PLCB1: variants seen among roughly 807,000 people sequenced by gnomAD.
The protein encoded by PLCB1 is phospholipase C beta 1.
PLCB1 carries 46 observed loss-of-function variants against 161.8 expected under a neutral mutation model. That is an observed-to-expected ratio of 0.28 (90% CI 0.22 to 0.36). PLCB1 has a LOEUF of 0.36. Among genes scored for constraint, PLCB1 ranks in the 10% least tolerant of loss-of-function variants. The pLI is 1.00. For missense variants in PLCB1, 1,016 were observed against 1,472.5 expected, an observed-to-expected ratio of 0.69 and a Z score of 5.07; for synonymous variants, 517 against 503.7, an observed-to-expected ratio of 1.03 and a Z score of -0.35.
chr20:8,215,413 G>A (rs763974773), intron 2 of PLCB1, among the ~76,000 whole-genome samples: 14 of 151,992 alleles, frequency 9.2e-5, no homozygotes, highest in Non-Finnish European at 1.5e-4. Flanking sequence ...GATTAGAGAC[G>A]GCAACATCAT....
intron 9 of PLCB1, among the ~76,000 whole-genome samples, chr20:8,669,703 C>T (rs529199368): frequency 6.6e-6 from 1 of 152,300 alleles, no homozygotes; most frequent in Non-Finnish European, 1.5e-5. Flanking sequence ...GAAGAGGAAA[C>T]TGGCATTCCA....
chr20:8,484,365 C>CT (rs777998571), intron 3 of PLCB1, among the ~76,000 whole-genome samples: 254 of 141,680 alleles, frequency 1.8e-3, no homozygotes, highest in Middle Eastern at 7.5e-3. Flanking sequence ...TCTTCTTCTT[C>CT]TTTTTTTTTT....
At chr20:8,850,372 G>A (rs1362072388) in intron 31 of PLCB1, among the ~76,000 whole-genome samples, 13 of 152,150 alleles carry the variant, frequency 8.5e-5, no homozygotes, top group Non-Finnish European at 1.8e-4. Context: ...GGATGAAGAG[G>A]AACATCCAGA....
intron 16 of PLCB1, among the ~76,000 whole-genome samples, chr20:8,726,870 G>T (rs1309143027): frequency 1.3e-5 from 2 of 152,030 alleles, no homozygotes; most frequent in East Asian, 3.8e-4. Flanking sequence ...TGATAAGGTG[G>T]CAATGTGGGT....
intron 3 of PLCB1, among the ~76,000 whole-genome samples, chr20:8,482,867 T>C (rs1424503582): frequency 6.6e-6 from 1 of 151,572 alleles, no homozygotes; most frequent in Non-Finnish European, 1.5e-5. Context: ...AAGAGATATT[T>C]GGCAAATGTA....
In PLCB1 at chr20:8,415,355, G is replaced by T. The variant is rs142006126; in HGVS notation, c.246+43905G>T. On this transcript the variant is annotated intron_variant, in intron 3 of 31. Transcript: ENST00000338037. Reference sequence around the variant, plus strand: ...TGAATTAAAAAATTATCATTAAAAAGTTTAAAGGAAGGAAACATTATAAGT... The same window carrying T: ...TGAATTAAAAAATTATCATTAAAAATTTTAAAGGAAGGAAACATTATAAGT... 3.0e-3 allele frequency among the ~76,000 whole-genome samples: 455 copies of T among 152,290 alleles called. 5 individuals carry two copies. Among genetic ancestry groups the T allele is most frequent in the African/African-American group, 0.011 (441 of 41,566 alleles).
intron 2 of PLCB1, among the ~76,000 whole-genome samples, chr20:8,365,387 T>C (rs1306383375): frequency 6.6e-6 from 1 of 152,186 alleles, no homozygotes; most frequent in Non-Finnish European, 1.5e-5. Flanking sequence ...ATTGATGACC[T>C]ATACCTCTCA....
At chr20:8,577,159 G>C (rs922740471) in intron 3 of PLCB1, among the ~76,000 whole-genome samples, 4 of 152,130 alleles carry the variant, frequency 2.6e-5, no homozygotes, top group African/African-American at 9.7e-5. Context: ...GCCGGATGCG[G>C]TGGCCCAAGC....
At position 8,629,946 on chromosome 20, in the gene PLCB1, CTTTCT is replaced by C. The variant is rs1483927755; in HGVS notation, c.384+1523_384+1527del. Among the ~76,000 whole-genome samples, 3 of 131,018 alleles carry C rather than the reference CTTTCT, an allele frequency of 2.3e-5. No individual in the cohort carries two copies. The South Asian group carries it at 7.5e-4, about 33-fold the overall frequency. 86.0% of individuals were successfully genotyped at this position (131,018 alleles called of 152,430 possible). ...CCTCTCTTCTTTCCTTTCTTTCTCT[CTTTCT>C]TTTCTTTCTTTCTTCTTTCTTTCTT... On this transcript the variant is annotated intron_variant, in intron 4 of 31. Coordinates refer to ENST00000338037, the MANE Select transcript of PLCB1 (RefSeq NM_015192.4).
intron 2 of PLCB1, among the ~76,000 whole-genome samples, chr20:8,360,516 A>G (rs945673338): frequency 6.6e-6 from 1 of 152,192 alleles, no homozygotes; most frequent in Non-Finnish European, 1.5e-5. Flanking sequence ...ATTGATCAAC[A>G]GTCGAATGAA....
intron 4 of PLCB1, among the ~76,000 whole-genome samples, chr20:8,630,243 T>C (rs1164119042): frequency 6.6e-6 from 1 of 151,876 alleles, no homozygotes; most frequent in Non-Finnish European, 1.5e-5. Context: ...CATGCCACCA[T>C]GCCCAGCTAA....
At chr20:8,556,884 G>C (rs1985974202) in intron 3 of PLCB1, among the ~76,000 whole-genome samples, 1 of 150,992 alleles carries the variant, frequency 6.6e-6, no homozygotes, top group South Asian at 2.1e-4. Context: ...CACATGAAAA[G>C]ATGCATAACA....
intron 18 of PLCB1, chr20:8,729,937 ACCAG>A: frequency 6.6e-6 from 1 of 152,014 alleles, no homozygotes; most frequent in South Asian, 2.1e-4. Flanking sequence ...TAATAATTAA[ACCAG>A]ACAAAAATGT....
At chr20:8,273,748 G>T (rs2123268406) in intron 2 of PLCB1, among the ~76,000 whole-genome samples, 1 of 152,272 alleles carries the variant, frequency 6.6e-6, no homozygotes, top group Non-Finnish European at 1.5e-5. Context: ...AGATATTACA[G>T]TTCTGCATGG....
intron 3 of PLCB1, among the ~76,000 whole-genome samples, chr20:8,443,806 G>A (rs1318820577): frequency 1.3e-5 from 2 of 152,158 alleles, no homozygotes; most frequent in Non-Finnish European, 2.9e-5. Context: ...CATGGTTCCA[G>A]CTCTTACCAG....
intron 7 of PLCB1, chr20:8,653,525 G>C (rs1989374672): frequency 6.6e-6 from 1 of 151,908 alleles, no homozygotes; most frequent in Admixed American, 6.6e-5. Context: ...TAAAAATATT[G>C]ACAGTATATT....
At chr20:8,524,391 C>G (rs1984498440) in intron 3 of PLCB1, among the ~76,000 whole-genome samples, 1 of 152,022 alleles carries the variant, frequency 6.6e-6, no homozygotes, top group Non-Finnish European at 1.5e-5. Flanking sequence ...TTTCTTTCTA[C>G]AGGATACCTA....
intron 24 of PLCB1, among the ~76,000 whole-genome samples, chr20:8,758,445 G>C (rs1436140218): frequency 6.6e-6 from 1 of 151,970 alleles, no homozygotes; most frequent in East Asian, 1.9e-4. Flanking sequence ...AGCCTGGCAT[G>C]GTAGTGCATG....
intron 2 of PLCB1, among the ~76,000 whole-genome samples, chr20:8,333,017 C>T (rs769281454): frequency 2.6e-5 from 4 of 152,176 alleles, no homozygotes; most frequent in Non-Finnish European, 5.9e-5. Context: ...TGGCAAAAGT[C>T]TTCTCAACGA....
Sources: gnomAD v4.1 joint callset for allele counts (sites outside exome capture counted in the v4.1 genomes callset) on GRCh38, gnomAD v4.1.1 for gene constraint, MANE v1.5 for transcripts, NCBI Gene and HGNC (gene_info 2026-07-23, HGNC 2026-07-21) for gene names.